STXBP5L: variants seen among roughly 807,000 people sequenced by gnomAD.
The protein encoded by STXBP5L is syntaxin binding protein 5L.
Under a neutral mutation model 144.5 loss-of-function variants are expected in STXBP5L, and 65 were observed. The ratio of observed to expected loss-of-function variants is 0.45; its 90% CI spans 0.37 to 0.55. The LOEUF (loss-of-function observed/expected upper bound fraction) is 0.55, where lower values mean the gene tolerates loss of function less well. STXBP5L is among the 20% of genes least tolerant of loss of function. The pLI, the probability that STXBP5L is intolerant of heterozygous loss-of-function variation, is 0.00. For missense variants in STXBP5L, 1,298 were observed against 1,405.5 expected, an observed-to-expected ratio of 0.92 and a Z score of 1.22; for synonymous variants, 505 against 469.6, an observed-to-expected ratio of 1.08 and a Z score of -0.97.
chr3:121,338,778 C>T (rs527897123), intron 20 of STXBP5L, among the ~76,000 whole-genome samples: 2 of 152,094 alleles, frequency 1.3e-5, no homozygotes, highest in African/African-American at 4.8e-5. Context: ...CCTCTGTGCA[C>T]ATAAACTAGA....
At chr3:121,159,730 C>T (rs1488783591) in intron 9 of STXBP5L, among the ~76,000 whole-genome samples, 3 of 150,600 alleles carry the variant, frequency 2.0e-5, no homozygotes, top group Non-Finnish European at 4.4e-5. Flanking sequence ...CCCGGGTTCA[C>T]GCCATTCTCC....
chr3:121,344,792 T>C (rs1170522988), intron 20 of STXBP5L, among the ~76,000 whole-genome samples: 2 of 151,704 alleles, frequency 1.3e-5, no homozygotes, highest in Non-Finnish European at 2.9e-5. Flanking sequence ...TCACCTTTCA[T>C]AAAGGGAAAT....
chr3:120,957,497 G>A (rs903120379), intron 3 of STXBP5L, among the ~76,000 whole-genome samples: 2 of 151,910 alleles, frequency 1.3e-5, no homozygotes, highest in Admixed American at 6.6e-5. Flanking sequence ...ATATTGGCTT[G>A]TAGTGTTCTT....
intron 20 of STXBP5L, among the ~76,000 whole-genome samples, chr3:121,363,070 C>T (rs182846316): frequency 6.6e-6 from 1 of 152,226 alleles, no homozygotes; most frequent in East Asian, 1.9e-4. Context: ...AAGACTCTGA[C>T]CAGTGCCCTA....
intron 3 of STXBP5L, among the ~76,000 whole-genome samples, chr3:120,996,355 G>A (rs1223834694): frequency 1.3e-5 from 2 of 151,862 alleles, no homozygotes; most frequent in Non-Finnish European, 1.5e-5. Flanking sequence ...TTAATATAAT[G>A]TATATTTAAG....
intron 5 of STXBP5L, among the ~76,000 whole-genome samples, chr3:121,062,606 C>T (rs11720685): frequency 0.15 from 22,750 of 152,164 alleles, 2,117 homozygotes; most frequent in East Asian, 0.49. Context: ...GAGTGTTTTC[C>T]AACTTTCTTC....
chr3:121,011,092 C>T (rs75908728), intron 3 of STXBP5L, among the ~76,000 whole-genome samples: 14,806 of 149,388 alleles, frequency 0.099, 930 homozygotes, highest in Non-Finnish European at 0.14. Context: ...CTTGGAGTTT[C>T]AGGACTGCTT....
intron 20 of STXBP5L, among the ~76,000 whole-genome samples, chr3:121,338,010 T>C (rs1167519315): frequency 6.6e-6 from 1 of 152,106 alleles, no homozygotes; most frequent in Non-Finnish European, 1.5e-5. Context: ...AAGTGAATGA[T>C]AATAGTTACA....
intron 14 of STXBP5L, among the ~76,000 whole-genome samples, chr3:121,240,911 C>T (rs919297227): frequency 1.3e-5 from 2 of 152,138 alleles, no homozygotes; most frequent in Non-Finnish European, 2.9e-5. Flanking sequence ...AATAACACTC[C>T]TTTGTATGAC....
chr3:120,990,313 C>A (rs1390319101), intron 3 of STXBP5L, among the ~76,000 whole-genome samples: 1 of 152,152 alleles, frequency 6.6e-6, no homozygotes, highest in Non-Finnish European at 1.5e-5. Flanking sequence ...AAAGAGGGTA[C>A]AAACAAATGG....
chr3:121,393,544 C>G (rs1174014604), intron 22 of STXBP5L, among the ~76,000 whole-genome samples: 2 of 152,148 alleles, frequency 1.3e-5, no homozygotes, highest in African/African-American at 4.8e-5. Flanking sequence ...AGGTTTCCTT[C>G]TAGCATTTTT....
At chr3:121,197,045 T>C (rs888891589) in intron 9 of STXBP5L, among the ~76,000 whole-genome samples, 1 of 152,214 alleles carries the variant, frequency 6.6e-6, no homozygotes, top group African/African-American at 2.4e-5. Flanking sequence ...GCTATAAATT[T>C]TCCTCTCAGC....
At chr3:121,102,974 G>T (rs1185883062) in intron 5 of STXBP5L, among the ~76,000 whole-genome samples, 1 of 152,062 alleles carries the variant, frequency 6.6e-6, no homozygotes, top group Non-Finnish European at 1.5e-5. Flanking sequence ...AATCATCAGA[G>T]AAATGCAAAT....
At chr3:121,049,987 G>C (rs1947836486) in intron 5 of STXBP5L, among the ~76,000 whole-genome samples, 1 of 152,046 alleles carries the variant, frequency 6.6e-6, no homozygotes, top group African/African-American at 2.4e-5. Flanking sequence ...TGAATCCCTG[G>C]GGACTCTCAC....
intron 9 of STXBP5L, among the ~76,000 whole-genome samples, chr3:121,183,077 T>G (rs1017259736): frequency 6.6e-6 from 1 of 152,190 alleles, no homozygotes; most frequent in African/African-American, 2.4e-5. Flanking sequence ...GAAAAAGTAC[T>G]TGACAAAATC....
intron 5 of STXBP5L, among the ~76,000 whole-genome samples, chr3:121,082,849 C>T (rs2042316636): frequency 6.6e-6 from 1 of 152,108 alleles, no homozygotes; most frequent in Non-Finnish European, 1.5e-5. Context: ...CTGGAATAAG[C>T]CTCTCTTGTT....
chr3:121,089,092 T>TAAAAAAAAAA (rs375977537), intron 5 of STXBP5L, among the ~76,000 whole-genome samples: 3 of 56,150 alleles, frequency 5.3e-5, no homozygotes, highest in Non-Finnish European at 9.3e-5. Context: ...TAGAGTATAA[T>TAAAAAAAAAA]AAAAAAAAAA....
In STXBP5L at chr3:121,419,861, G is replaced by A. The variant is rs1017182922; in HGVS notation, c.*764G>A. 2 of 152,198 alleles carry A rather than the reference G, an allele frequency of 1.3e-5. No individual in the cohort carries two copies. 9.4% of individuals were successfully genotyped at this position (152,198 alleles called of 1,614,324 possible). A position where few individuals can be genotyped will look rare whatever the true frequency, so the allele number is the denominator to read the frequency against. ...CTGTTTTTAGCACAAACCATGCAGG[G>A]TTGGGTCACCTCAAAGCATTTTCTT... On this transcript the variant is annotated 3_prime_UTR_variant, in exon 27 of 27. Transcript: ENST00000471454.
intron 7 of STXBP5L, among the ~76,000 whole-genome samples, chr3:121,133,852 C>A (rs776130179): frequency 6.6e-6 from 1 of 152,054 alleles, no homozygotes; most frequent in African/African-American, 2.4e-5. Flanking sequence ...GGTGAGAGAG[C>A]AAGCAAAGGG....
Sources: gnomAD v4.1 joint callset for allele counts (sites outside exome capture counted in the v4.1 genomes callset) on GRCh38, gnomAD v4.1.1 for gene constraint, MANE v1.5 for transcripts, NCBI Gene and HGNC (gene_info 2026-07-23, HGNC 2026-07-21) for gene names.